The following KRT20 variants were observed in gnomAD, a reference collection of about 807,000 sequenced individuals.
The protein encoded by KRT20 is keratin 20.
Under a neutral mutation model 43.0 loss-of-function variants are expected in KRT20, and 41 were observed. The ratio of observed to expected loss-of-function variants is 0.95; its 90% CI spans 0.74 to 1.24. KRT20 has a LOEUF of 1.24. KRT20 is among the 50% of genes most tolerant of loss of function. The pLI, the probability that KRT20 is intolerant of heterozygous loss-of-function variation, is 0.00. For synonymous variants in KRT20, 207 were observed against 200.6 expected, an observed-to-expected ratio of 1.03 and a Z score of -0.27; for missense variants, 533 against 521.2, an observed-to-expected ratio of 1.02 and a Z score of -0.22.
intron 1 of KRT20, 51 bp downstream of exon 1, chr17:40,884,745 A>C (rs1233161576): frequency 6.4e-7 from 1 of 1,557,474 alleles, no homozygotes; most frequent in East Asian, 2.3e-5. Flanking sequence ...TAACCTCTTG[A>C]TTTATCTTGA....
rs1238904034 is a variant in KRT20 at position 40,875,906 on chromosome 17, T to C, written c.*455A>G. The C allele has an allele frequency of 6.5e-6, 1 of 152,960 alleles. No homozygotes were observed. Among genetic ancestry groups the C allele is most frequent in the African/African-American group, 2.4e-5 (1 of 41,440 alleles). 9.5% of individuals were successfully genotyped at this position (152,960 alleles called of 1,614,324 possible). On this transcript the variant is annotated 3_prime_UTR_variant, in exon 8 of 8. Transcript: ENST00000167588. ...AAGATTAACCCAGAAATTGGCTCAA[T>C]AAGAAACCAGGGACTCCCAAAGGGG... is the stretch of plus-strand genomic sequence containing the variant.
chr17:40,878,200 G>C lies in KRT20; in HGVS notation c.1084C>G (p.Arg362Gly). Residue 362 changes from arginine to glycine, a missense_variant, in exon 6 of 8, where the codon CGA becomes GGA. By Grantham distance (125) the Arg-to-Gly change is moderately radical. Transcript: ENST00000167588. Reference protein sequence around the residue: ...EYHILLDIKTRLEQEIATYRR... With the variant: ...EYHILLDIKTGLEQEIATYRR... ...TAAGTAGCAATTTCCTGTTCAAGTC[G>C]AGTCTTTATGTCAAGAAGGATATGG... 1 of 1,614,034 alleles carries C rather than the reference G, an allele frequency of 6.2e-7. No individual in the cohort carries two copies. Among genetic ancestry groups the C allele is most frequent in the East Asian group, 2.2e-5 (1 of 44,862 alleles).
intron 2 of KRT20, among the ~76,000 whole-genome samples, chr17:40,881,264 T>TGTGTGTGTGTGTGTGTG (rs1907586158): frequency 6.6e-6 from 1 of 150,832 alleles, no homozygotes; most frequent in African/African-American, 2.4e-5. Flanking sequence ...TGTGTGTGTA[T>TGTGTGTGTGTGTGTGTG]TTGAGACAGG....
chr17:40,883,447 G>T (rs192172510), intron 1 of KRT20, among the ~76,000 whole-genome samples: 173 of 152,228 alleles, frequency 1.1e-3, no homozygotes, highest in African/African-American at 4.0e-3. Flanking sequence ...TGGTCCCTCT[G>T]TCCATCCCTG....
chr17:40,879,097 A>G (rs528978285), intron 5 of KRT20, among the ~76,000 whole-genome samples: 29 of 152,274 alleles, frequency 1.9e-4, no homozygotes, highest in African/African-American at 6.7e-4. Flanking sequence ...AAGCTTTAAG[A>G]GCTATCAAGT....
At chr17:40,880,861 G>A (rs557073421) in intron 2 of KRT20, 91 bp from the exon 3 acceptor site, 1 of 947,664 alleles carries the variant, frequency 1.1e-6, no homozygotes, top group Non-Finnish European at 1.5e-6. Flanking sequence ...TTTTAAATGT[G>A]GCTTATGAGG....
rs148091209 is a variant in KRT20 at position 40,880,765 on chromosome 17, T to C, written c.479A>G (p.Glu160Gly). 4.5e-3 allele frequency: 6,868 copies of C among 1,532,150 alleles called. 23 individuals are homozygous for C. Among genetic ancestry groups the C allele is most frequent in the Non-Finnish European group, 5.3e-3 (6,080 of 1,141,472 alleles). The allele number at this position is 1,532,150 out of a possible 1,614,324, so 94.9% of individuals were successfully genotyped here. Residue 160 changes from glutamate to glycine, a missense_variant, in exon 3 of 8, where the codon GAG (glutamate) becomes GGG (glycine). Physicochemically the swap from Glu to Gly is moderately conservative, Grantham distance 98. Coordinates refer to ENST00000167588, the MANE Select transcript of KRT20 (RefSeq NM_019010.3). ...TGTTAGACGTATTCCTCTCTCAGTC[T>C]CATACCTGTGAATTAATTAGTGTAC... is the stretch of plus-strand genomic sequence containing the variant. The part of the protein sequence containing the change: ...LAAEDFRLKY[E>G]TERGIRLTVE...
intron 2 of KRT20, 100 bp downstream of exon 2, chr17:40,882,472 G>A (rs553105347): frequency 1.6e-5 from 8 of 495,270 alleles, no homozygotes; most frequent in African/African-American, 6.0e-5. Context: ...ACATTGAACC[G>A]TGCTTCCTTT....
Position 40,878,280 on chromosome 17 carries a change from A to G in KRT20, c.1004T>C (p.Leu335Pro). The stretch of plus-strand genomic sequence containing the variant: ...CCGAATCTGCATCAGTTGGGCCTCC[A>G]GAGAGCTCAACAGCGACTGGAGGTT... ...LANLQSLLSS[L>P]EAQLMQIRSN... Residue 335 changes from leucine to proline, a missense_variant, in exon 6 of 8, where the codon CTG (leucine) becomes CCG (proline). By Grantham distance (98) the Leu-to-Pro change is moderately conservative. Transcript: ENST00000167588. The G allele has an allele frequency of 6.2e-7, 1 of 1,614,148 alleles. No individual in the cohort carries two copies. Among genetic ancestry groups the G allele is most frequent in the East Asian group, 2.2e-5 (1 of 44,874 alleles).
At chr17:40,882,067 G>T (rs1907624600) in intron 2 of KRT20, among the ~76,000 whole-genome samples, 1 of 152,036 alleles carries the variant, frequency 6.6e-6, no homozygotes, top group Non-Finnish European at 1.5e-5. Context: ...TGGTTCTTTG[G>T]TTGGCCAGAC....
chr17:40,878,276 C>T lies in KRT20; in HGVS notation c.1008G>A (p.Glu336=), dbSNP rs772569596. 6.8e-6 allele frequency: 11 copies of T among 1,614,136 alleles called. No individual in the cohort carries two copies. The highest frequency in any genetic ancestry group is 9.3e-6 in the Non-Finnish European group (11 of 1,180,006). Residue 336 remains glutamate, a synonymous_variant, in exon 6 of 8, where the codon GAG becomes GAA. Transcript: ENST00000167588. ...ANLQSLLSSL[E]AQLMQIRSNM... ...TACTCCGAATCTGCATCAGTTGGGC[C>T]TCCAGAGAGCTCAACAGCGACTGGA...
chr17:40,877,247 A>G, intron 7 of KRT20, 133 bp downstream of exon 7: 1 of 659,672 alleles, frequency 1.5e-6, no homozygotes, highest in Non-Finnish European at 2.6e-6. Flanking sequence ...TTTGTAAATT[A>G]TCCAGTCTCA....
chr17:40,882,971 A>C (rs1244823740), intron 1 of KRT20, among the ~76,000 whole-genome samples: 1 of 152,078 alleles, frequency 6.6e-6, no homozygotes, highest in Admixed American at 6.5e-5. Flanking sequence ...CGGCCTCCCA[A>C]AGTGCTGGGA....
At chr17:40,877,541 A>G (rs1907402492) in intron 6 of KRT20, 124 bp from the exon 7 acceptor site, 1 of 556,754 alleles carries the variant, frequency 1.8e-6, no homozygotes. Context: ...TATTGCTTTC[A>G]TATATCTTTC....
rs1193407214 is a variant in KRT20, at chr17:40,880,660, T to G, written c.584A>C (p.Glu195Ala). 1.2e-6 allele frequency: 2 copies of G among 1,612,886 alleles called. No individual in the cohort carries two copies. The highest frequency in any genetic ancestry group is 1.1e-5 in the South Asian group (1 of 90,826). ...LHKTDLEIQIEELNKDLALLK... is the reference protein window; with the variant it reads ...LHKTDLEIQIAELNKDLALLK... ...GAGAGCTAGGTCTTTATTCAGTTCT[T>G]CAATTTGAATCTCCAAATCTGTTTT... is the stretch of plus-strand genomic sequence containing the variant. Residue 195 changes from glutamate (E) to alanine (A), a missense_variant, in exon 3 of 8, where the codon GAA becomes GCA. Coordinates refer to ENST00000167588, the MANE Select transcript of KRT20 (RefSeq NM_019010.3).
Position 40,885,172 on chromosome 17 carries a change from C to G in KRT20, c.14G>C (p.Arg5Pro). MDFS[R>P]RSFHRSLSSS... ...GCTCAGGCTTCTGTGGAAGCTTCTG[C>G]GACTGAAATCCATTGGAGATTCCAG... Residue 5 changes from arginine (R) to proline (P), a missense_variant, in exon 1 of 8, where the codon CGC (arginine) becomes CCC (proline). Arg to Pro is a moderately radical substitution (Grantham distance 103, BLOSUM62 -2). Transcript: ENST00000167588. 1 of 1,600,304 alleles carries G rather than the reference C, an allele frequency of 6.2e-7. No homozygotes were observed. The highest frequency in any genetic ancestry group is 1.1e-5 in the South Asian group (1 of 90,570).
chr17:40,879,697 C>A, intron 5 of KRT20, 116 bp downstream of exon 5: 1 of 1,162,384 alleles, frequency 8.6e-7, no homozygotes, highest in Non-Finnish European at 1.2e-6. Flanking sequence ...TGTTTCCCTG[C>A]CAGTTCTGCA....
Position 40,880,028 on chromosome 17 carries a change from A to G in KRT20, c.792+72T>C, listed in dbSNP as rs549071412. On this transcript the variant is annotated intron_variant, in intron 4 of 7. Coordinates refer to ENST00000167588, the MANE Select transcript of KRT20 (RefSeq NM_019010.3). The stretch of plus-strand genomic sequence containing the variant: ...AGAAAGGAAGAATGAACAAATGAAA[A>G]AGAAAATGAGTTATCTGTTTCTGGA... 31 of 1,594,794 alleles carry G rather than the reference A, an allele frequency of 1.9e-5. No homozygotes were observed. The East Asian group carries it at 7.0e-4, about 36-fold the overall frequency.
intron 1 of KRT20, among the ~76,000 whole-genome samples, chr17:40,884,259 G>T (rs1052996502): frequency 6.6e-6 from 1 of 152,036 alleles, no homozygotes; most frequent in African/African-American, 2.4e-5. Flanking sequence ...ATTAAACAGG[G>T]CACTTAAAAA....
Sources: gnomAD v4.1 joint callset for allele counts (sites outside exome capture counted in the v4.1 genomes callset) on GRCh38, gnomAD v4.1.1 for gene constraint, MANE v1.5 for transcripts, NCBI Gene and HGNC (gene_info 2026-07-23, HGNC 2026-07-21) for gene names.